NPAS3: variants seen among roughly 807,000 people sequenced by gnomAD.
NPAS3 encodes neuronal PAS domain protein 3, also known as neuronal PAS domain-containing protein 3.
A neutral mutation model predicts 73.1 loss-of-function variants in NPAS3; 14 were observed. The ratio of observed to expected loss-of-function variants is 0.19; its 90% CI spans 0.13 to 0.30. The LOEUF (loss-of-function observed/expected upper bound fraction) is 0.30. NPAS3 is among the 10% of genes least tolerant of loss of function. NPAS3 has a pLI of 1.00. For synonymous variants in NPAS3, 620 were observed against 541.5 expected, an observed-to-expected ratio of 1.14 and a Z score of -2.01; for missense variants, 1,096 against 1,250.0, an observed-to-expected ratio of 0.88 and a Z score of 1.86.
chr14:33,800,124 G>C lies in NPAS3; in HGVS notation c.1817G>C (p.Arg606Pro), dbSNP rs763077259. Reference sequence around the variant, plus strand: ...CAGAAGCGCAAGAAAAGGCGGAAACGGCAAAAGGGCGGCAGCGCCAGCCGC... The same window carrying C: ...CAGAAGCGCAAGAAAAGGCGGAAACCGCAAAAGGGCGGCAGCGCCAGCCGC... The change falls in exon 12 of 12, where the codon CGG (arginine) becomes CCG (proline). Residue 606 changes from arginine to proline, a missense_variant. Around this residue, in one of 5 missense-constraint regions of NPAS3, gnomAD observed 698 missense variants for 676.7 expected, o/e 1.03. Coordinates refer to ENST00000356141, the Ensembl canonical transcript of NPAS3. The surrounding 1 kb of genome is among the most constrained non-coding windows in gnomAD (Gnocchi z 6.5). 1.9e-6 allele frequency: 3 copies of C among 1,582,548 alleles called. No individual in the cohort carries two copies. The Admixed American group carries it at 5.5e-5, about 29-fold the overall frequency.
intron 5 of NPAS3, among the ~76,000 whole-genome samples, chr14:33,665,484 A>T (rs78282723): frequency 6.6e-6 from 1 of 152,286 alleles, no homozygotes; most frequent in African/African-American, 2.4e-5. Context: ...GACTTTGAAC[A>T]GACCTTTTCC....
At position 33,246,495 on chromosome 14, in the gene NPAS3, G is replaced by A. The variant is rs1298431286; in HGVS notation, c.385+31069G>A. Among the ~76,000 whole-genome samples the A allele has an allele frequency of 4.3e-5, 6 of 141,072 alleles. 1 individual carries two copies. The South Asian group carries it at 6.8e-4, about 16-fold the overall frequency. 92.5% of individuals were successfully genotyped at this position (141,072 alleles called of 152,430 possible). ...ACGGAGCCTGCAGTGAGCCGAGATC[G>A]CGCCACTGCACTCCAGCCTGGGCAA... is the stretch of plus-strand genomic sequence containing the variant. On this transcript the variant is annotated intron_variant, in intron 3 of 11. Coordinates refer to ENST00000356141, the Ensembl canonical transcript of NPAS3.
downstream of NPAS3, chr14:33,803,749 GTGTC>G (rs2063770596): frequency 6.6e-6 from 1 of 150,454 alleles, no homozygotes; most frequent in African/African-American, 2.4e-5. Context: ...TGTGAAGACT[GTGTC>G]TGTGTTTTTA....
chr14:33,532,100 GC>G (rs1447010086), intron 4 of NPAS3, among the ~76,000 whole-genome samples: 1 of 152,064 alleles, frequency 6.6e-6, no homozygotes, highest in East Asian at 1.9e-4. Context: ...GCTAATGCAG[GC>G]CCATTCAGAA....
At chr14:33,094,794 G>A (rs2042351362) in intron 2 of NPAS3, among the ~76,000 whole-genome samples, 1 of 152,100 alleles carries the variant, frequency 6.6e-6, no homozygotes, top group Non-Finnish European at 1.5e-5. Context: ...ATAATTGTTA[G>A]CTTCTAATGA....
intron 6 of NPAS3, among the ~76,000 whole-genome samples, chr14:33,730,945 G>A (rs8014172): frequency 0.57 from 86,675 of 152,132 alleles, 24,984 homozygotes; most frequent in African/African-American, 0.67. Context: ...GGAAAAGAAT[G>A]TGTTTAACTT....
At chr14:33,782,653 G>T (rs890852675) in intron 9 of NPAS3, among the ~76,000 whole-genome samples, 1 of 152,080 alleles carries the variant, frequency 6.6e-6, no homozygotes, top group Admixed American at 6.5e-5. Context: ...GAGAAAAGGA[G>T]CCAGAGACTG....
chr14:33,477,216 G>A (rs1264372062), intron 4 of NPAS3, among the ~76,000 whole-genome samples: 1 of 152,046 alleles, frequency 6.6e-6, no homozygotes, highest in African/African-American at 2.4e-5. Flanking sequence ...ATGGGGGTAG[G>A]GGTGGAAAGA....
At position 33,406,672 on chromosome 14, in the gene NPAS3, T is replaced by C. The variant is rs140843322; in HGVS notation, c.468+39404T>C. Among the ~76,000 whole-genome samples the C allele has an allele frequency of 3.3e-5, 5 of 152,248 alleles. No individual in the cohort carries two copies. The East Asian group carries it at 9.7e-4, about 29-fold the overall frequency. ...TTGCTGAAAACCACATTTTAAAATA[T>C]GAAATCAAACACCACAGTGCAAAGT... On this transcript the variant is annotated intron_variant, in intron 4 of 11. Coordinates refer to ENST00000356141, the Ensembl canonical transcript of NPAS3.
intron 1 of NPAS3, among the ~76,000 whole-genome samples, chr14:33,003,248 A>T (rs1436877278): frequency 1.3e-5 from 2 of 152,072 alleles, no homozygotes; most frequent in African/African-American, 4.8e-5. Flanking sequence ...CTAATGGTTA[A>T]CACTAACACA....
At chr14:33,590,446 G>C (rs1425931662) in intron 5 of NPAS3, among the ~76,000 whole-genome samples, 5 of 152,104 alleles carry the variant, frequency 3.3e-5, no homozygotes, top group Non-Finnish European at 7.4e-5. Context: ...TCTCCTAATT[G>C]TCAAGGTGAG....
chr14:33,316,779 T>C (rs2043223333), intron 3 of NPAS3, among the ~76,000 whole-genome samples: 1 of 152,082 alleles, frequency 6.6e-6, no homozygotes, highest in Non-Finnish European at 1.5e-5. Context: ...AGGCCAGTTG[T>C]GTGCTCTCCA....
intron 4 of NPAS3, among the ~76,000 whole-genome samples, chr14:33,473,362 G>C (rs188058461): frequency 6.6e-6 from 1 of 152,292 alleles, no homozygotes; most frequent in Non-Finnish European, 1.5e-5. Context: ...GCAAGTCCTA[G>C]TTAAAAGATG....
intron 3 of NPAS3, among the ~76,000 whole-genome samples, chr14:33,359,937 A>C (rs2045516947): frequency 6.6e-6 from 1 of 152,232 alleles, no homozygotes; most frequent in Non-Finnish European, 1.5e-5. Context: ...AATTTAAACA[A>C]CAACAGAAGC....
intron 2 of NPAS3, among the ~76,000 whole-genome samples, chr14:33,206,511 A>T (rs190814029): frequency 6.6e-6 from 1 of 152,242 alleles, no homozygotes; most frequent in African/African-American, 2.4e-5. Flanking sequence ...CCCCGCCAAT[A>T]GTGGCTGAAA....
At chr14:33,359,848 G>A (rs79993696) in intron 3 of NPAS3, among the ~76,000 whole-genome samples, 427 of 152,292 alleles carry the variant, frequency 2.8e-3, no homozygotes, top group Non-Finnish European at 4.7e-3. Context: ...GGCTTAATTC[G>A]TGAGCGACAC....
chr14:33,082,094 G>A (rs1280966021), intron 2 of NPAS3, among the ~76,000 whole-genome samples: 1 of 152,208 alleles, frequency 6.6e-6, no homozygotes, highest in Non-Finnish European at 1.5e-5. Context: ...GGTTCTCAGT[G>A]AATAGTGTTG....
At chr14:33,086,804 C>A (rs2042040064) in intron 2 of NPAS3, among the ~76,000 whole-genome samples, 1 of 152,046 alleles carries the variant, frequency 6.6e-6, no homozygotes, top group Non-Finnish European at 1.5e-5. Flanking sequence ...TGAGTAGAGA[C>A]ATTCATCTGG....
intron 5 of NPAS3, among the ~76,000 whole-genome samples, chr14:33,571,382 G>A (rs1197290715): frequency 6.6e-6 from 1 of 152,170 alleles, no homozygotes; most frequent in African/African-American, 2.4e-5. Flanking sequence ...CTCGAGGAGG[G>A]GAGCCTGGCG....
Sources: allele counts gnomAD v4.1 joint callset (sites outside exome capture counted in the v4.1 genomes callset), GRCh38; gene constraint gnomAD v4.1.1; regional missense constraint gnomAD v4.1.1; non-coding constraint Gnocchi (gnomAD v3.1); transcripts MANE v1.5; gene names NCBI Gene and HGNC (gene_info 2026-07-23, HGNC 2026-07-21).